The following NCF2 variants were observed in gnomAD, a reference collection of about 807,000 sequenced individuals.
The protein encoded by NCF2 is neutrophil cytosolic factor 2.
A neutral mutation model predicts 70.9 loss-of-function variants in NCF2; 45 were observed. That is an observed-to-expected ratio of 0.63 (90% confidence interval 0.50 to 0.81). NCF2 has a LOEUF of 0.81. Among genes scored for constraint, NCF2 ranks in the 40% least tolerant of loss-of-function variants. NCF2 has a pLI of 0.00. For synonymous variants in NCF2, 203 were observed against 233.6 expected, an observed-to-expected ratio of 0.87 and a Z score of 1.19; for missense variants, 522 against 631.6, an observed-to-expected ratio of 0.83 and a Z score of 1.86.
At chr1:183,590,665 C>T (rs764587406), upstream of NCF2, 16 of 375,928 alleles carry the variant, frequency 4.3e-5, no homozygotes, top group Admixed American at 7.4e-5. Flanking sequence ...AATGCTTCTG[C>T]TCTGTCACCC....
At chr1:183,591,974 C>A (rs1443523338), upstream of NCF2, among the ~76,000 whole-genome samples, 2 of 152,186 alleles carry the variant, frequency 1.3e-5, no homozygotes, top group African/African-American at 2.4e-5. Context: ...TTTAAGAGTT[C>A]TTTCCTTGCT....
chr1:183,567,204 C>G lies in NCF2; in HGVS notation c.855G>C (p.Gln285His), dbSNP rs1205752530. 3.1e-6 allele frequency: 5 copies of G among 1,614,158 alleles called. No individual in the cohort carries two copies. The highest frequency in any genetic ancestry group is 1.7e-6 in the Non-Finnish European group (2 of 1,180,030). ...DNWATVMFNG[Q>H]KGLVPCNYLE... ...CACCAGCCCCTGATCCTCTGCATAC[C>G]TGCCCGTTGAACATGACCGTGGCCC... Residue 285 changes from glutamine to histidine, a missense_variant and splice_region_variant, in exon 8 of 15, where the codon CAG becomes CAC. Gln to His is a conservative substitution (Grantham distance 24). Coordinates refer to ENST00000367535, the MANE Select transcript of NCF2 (RefSeq NM_000433.4).
chr1:183,599,451 T>TTTCTTTCTTTCC, the NCF2 span, among the ~76,000 whole-genome samples: 1 of 130,884 alleles, frequency 7.6e-6, no homozygotes, highest in Admixed American at 8.3e-5. Flanking sequence ...TCTTTCTTTC[T>TTTCTTTCTTTCC]TTCTTTCTTT....
At chr1:183,596,752 A>T in the NCF2 span, among the ~76,000 whole-genome samples, 1 of 152,122 alleles carries the variant, frequency 6.6e-6, no homozygotes, top group Non-Finnish European at 1.5e-5. Flanking sequence ...AAAAAAAAAA[A>T]AAAATTGCCC....
upstream of NCF2, among the ~76,000 whole-genome samples, chr1:183,592,822 A>C: frequency 6.6e-6 from 1 of 152,060 alleles, no homozygotes; most frequent in East Asian, 1.9e-4. Context: ...TATCCCCAGA[A>C]CTTTCCTTCA....
At chr1:183,588,648 TA>T (rs1243595584) in intron 1 of NCF2, among the ~76,000 whole-genome samples, 33 of 152,294 alleles carry the variant, frequency 2.2e-4, no homozygotes, top group African/African-American at 7.0e-4. Context: ...ATTTGTTTAC[TA>T]TACAAACTTA....
At position 183,556,178 on chromosome 1, in the gene NCF2, G is replaced by A. The variant is rs1450283356; in HGVS notation, c.1521C>T (p.Pro507=). ...TTGCGCAGTCTTCAACAAAAACTTT[G>A]GGGAAAATGCCCACCTTCCCTTTGC... ...GECKGKVGIF[P]KVFVEDCATT... The change falls in exon 15 of 15, where the codon CCC becomes CCT. Residue 507 remains proline (P), a synonymous_variant. Transcript: ENST00000367535. The A allele has an allele frequency of 6.2e-7, 1 of 1,614,080 alleles. No individual in the cohort carries two copies. The highest frequency in any genetic ancestry group is 8.5e-7 in the Non-Finnish European group (1 of 1,179,992).
At chr1:183,589,143 C>T (rs35832000) in intron 1 of NCF2, among the ~76,000 whole-genome samples, 13,385 of 152,184 alleles carry the variant, frequency 0.088, 1,890 homozygotes, top group African/African-American at 0.3. Context: ...GTCTTCCTGT[C>T]AGGAGGGTGT....
rs1391418738 is a variant in NCF2, at chr1:183,556,155, G to A, written c.1544C>T (p.Ala515Val). The change falls in exon 15 of 15, where the codon GCA becomes GTA. Residue 515 changes from alanine to valine, a missense_variant. Transcript: ENST00000367535. ...CCGAGTGCTTTCCAAATCTGTAGTTGCGCAGTCTTCAACAAAAACTTTGGG... is the reference window on the plus strand; with the variant it reads ...CCGAGTGCTTTCCAAATCTGTAGTTACGCAGTCTTCAACAAAAACTTTGGG... ...IFPKVFVEDC[A>V]TTDLESTRRE... 1 of 1,614,120 alleles carries A rather than the reference G, an allele frequency of 6.2e-7. No homozygotes were observed. Among genetic ancestry groups the A allele is most frequent in the Non-Finnish European group, 8.5e-7 (1 of 1,179,990 alleles).
chr1:183,561,960 A>G (rs561501414), intron 13 of NCF2, among the ~76,000 whole-genome samples: 1 of 150,336 alleles, frequency 6.7e-6, no homozygotes, highest in Non-Finnish European at 1.5e-5. Flanking sequence ...ACACCCAGCT[A>G]ATTTTTGTAT....
intron 14 of NCF2, among the ~76,000 whole-genome samples, chr1:183,557,418 C>G (rs1005169923): frequency 6.6e-6 from 1 of 152,176 alleles, no homozygotes. Flanking sequence ...AGGTCGTGGA[C>G]TGGAAGCATA....
At chr1:183,586,999 C>T in intron 1 of NCF2, 22 bp from the exon 2 acceptor site, 2 of 1,604,880 alleles carry the variant, frequency 1.2e-6, no homozygotes, top group South Asian at 1.1e-5. Flanking sequence ...AGGGTCCAGA[C>T]ATGGCCATGA....
the NCF2 span, among the ~76,000 whole-genome samples, chr1:183,600,128 A>T: frequency 1.4e-4 from 21 of 152,246 alleles, no homozygotes; most frequent in Non-Finnish European, 3.1e-4. Flanking sequence ...TAGATTCACA[A>T]AAGCTCCAAA....
At chr1:183,582,542 C>G (rs1673164095) in intron 2 of NCF2, among the ~76,000 whole-genome samples, 1 of 152,200 alleles carries the variant, frequency 6.6e-6, no homozygotes, top group Admixed American at 6.5e-5. Flanking sequence ...CTGCCAGTGC[C>G]CCATGCGTCC....
intron 7 of NCF2, 86 bp downstream of exon 7, chr1:183,569,056 C>T: frequency 7.7e-7 from 1 of 1,294,840 alleles, no homozygotes; most frequent in South Asian, 1.2e-5. Context: ...ACCCTGACCC[C>T]ACCTTCATCT....
At chr1:183,567,030 A>T (rs781012673) in intron 8 of NCF2, 42 bp from the exon 9 acceptor site, 1 of 1,613,068 alleles carries the variant, frequency 6.2e-7, no homozygotes, top group Non-Finnish European at 8.5e-7. Context: ...AAAAATAAAG[A>T]TGTGCTCATC....
intron 14 of NCF2, among the ~76,000 whole-genome samples, chr1:183,557,332 C>G (rs1671836155): frequency 6.6e-6 from 1 of 152,224 alleles, no homozygotes; most frequent in Admixed American, 6.5e-5. Flanking sequence ...TGTGGTGTGA[C>G]TGGGCAGCAG....
At chr1:183,589,198 T>C (rs1313155357) in intron 1 of NCF2, among the ~76,000 whole-genome samples, 1 of 152,232 alleles carries the variant, frequency 6.6e-6, no homozygotes, top group African/African-American at 2.4e-5. Context: ...AAGGGACTGA[T>C]TCTTTAAGGG....
intron 6 of NCF2, 128 bp from the exon 7 acceptor site, chr1:183,569,313 G>A: frequency 2.3e-6 from 2 of 882,784 alleles, no homozygotes; most frequent in Non-Finnish European, 1.9e-6. Context: ...ATTTCTGACT[G>A]ATGAGAACAC....
Sources: allele counts gnomAD v4.1 joint callset (sites outside exome capture counted in the v4.1 genomes callset), GRCh38; gene constraint gnomAD v4.1.1; transcripts MANE v1.5; gene names NCBI Gene and HGNC (gene_info 2026-07-23, HGNC 2026-07-21).